Variants in CDYL2 observed in about 807,000 individuals in gnomAD.
CDYL2 encodes chromodomain Y like 2, also known as chromodomain Y-like protein 2.
Under a neutral mutation model 49.4 loss-of-function variants are expected in CDYL2, and 23 were observed. The observed-to-expected ratio is 0.47, with a 90% CI of 0.34 to 0.66. The LOEUF is 0.66. Ranked by LOEUF, CDYL2 falls within the 30% of genes least tolerant of loss-of-function variation. CDYL2 has a pLI of 0.01. For missense variants in CDYL2, 678 were observed against 656.4 expected (o/e 1.03, Z -0.36); for synonymous variants, 360 against 268.8 (o/e 1.34, Z -3.32).
intron 1 of CDYL2, among the ~76,000 whole-genome samples, chr16:80,755,848 G>A (rs1031429590): frequency 2.0e-5 from 3 of 152,142 alleles, no homozygotes; most frequent in Admixed American, 6.5e-5. Context: ...GGAGACTATG[G>A]GAGCAGGGGG....
intron 5 of CDYL2, among the ~76,000 whole-genome samples, chr16:80,609,620 T>C (rs11866077): frequency 0.16 from 23,630 of 152,206 alleles, 2,130 homozygotes; most frequent in Non-Finnish European, 0.19. Context: ...CAAATGGCCA[T>C]ATCTGCTCCA....
At chr16:80,639,762 C>G in intron 2 of CDYL2, 1 of 455,836 alleles carries the variant, frequency 2.2e-6, no homozygotes, top group African/African-American at 2.0e-5. Flanking sequence ...CTCCCCTCCC[C>G]CTGAAGCAGT....
chr16:80,722,286 G>T (rs1047209084), intron 1 of CDYL2, among the ~76,000 whole-genome samples: 6 of 152,316 alleles, frequency 3.9e-5, no homozygotes, highest in Middle Eastern at 6.8e-3. Context: ...TTGATCTGGA[G>T]CAGGGCTGGG....
At chr16:80,627,266 T>C (rs1025384006) in intron 3 of CDYL2, among the ~76,000 whole-genome samples, 31 of 152,030 alleles carry the variant, frequency 2.0e-4, no homozygotes, top group African/African-American at 7.5e-4. Context: ...CACCTATACA[T>C]GAACTCTATT....
chr16:80,760,658 C>T (rs1906496362), intron 1 of CDYL2, among the ~76,000 whole-genome samples: 1 of 151,946 alleles, frequency 6.6e-6, no homozygotes, highest in Non-Finnish European at 1.5e-5. Context: ...AAAACAGTGT[C>T]AAAATCATTG....
At chr16:80,751,763 A>G (rs1473164791) in intron 1 of CDYL2, among the ~76,000 whole-genome samples, 4 of 152,256 alleles carry the variant, frequency 2.6e-5, no homozygotes, top group Non-Finnish European at 1.5e-5. Context: ...AGGCAAAAGT[A>G]AATACTCAAG....
chr16:80,623,243 T>A (rs1907161342), intron 3 of CDYL2, among the ~76,000 whole-genome samples: 1 of 152,132 alleles, frequency 6.6e-6, no homozygotes, highest in Non-Finnish European at 1.5e-5. Flanking sequence ...CCTCTGGGGC[T>A]ACGGTTGGGC....
intron 1 of CDYL2, among the ~76,000 whole-genome samples, chr16:80,781,080 G>T (rs1394476923): frequency 6.6e-6 from 1 of 152,126 alleles, no homozygotes; most frequent in Non-Finnish European, 1.5e-5. Context: ...AAGGAAAGAG[G>T]ATCCAAACAG....
At chr16:80,618,375 G>A (rs908443147) in intron 4 of CDYL2, among the ~76,000 whole-genome samples, 3 of 152,214 alleles carry the variant, frequency 2.0e-5, no homozygotes, top group Non-Finnish European at 4.4e-5. Flanking sequence ...GAGACGCACA[G>A]ATACCACGCA....
intron 1 of CDYL2, among the ~76,000 whole-genome samples, chr16:80,794,505 C>A (rs1024566594): frequency 2.6e-5 from 4 of 151,276 alleles, no homozygotes; most frequent in African/African-American, 4.9e-5. Flanking sequence ...CATGGCTGCA[C>A]CTTTTAACAT....
Position 80,633,235 on chromosome 16 carries a change from G to C in CDYL2, c.618C>G (p.Gly206=). Residue 206 remains glycine, a splice_region_variant and synonymous_variant, in exon 3 of 7, where the codon GGC becomes GGG. Transcript: ENST00000570137. ...TCAATCCCCCGTTGGTCAGAGCAGA[G>C]CCTTCCAAAACCAGATAAACAATGT... ...NHATLAENGL[G]SALTNGGLNL... is the part of the protein sequence containing the mutation. The C allele has an allele frequency of 1.2e-6, 2 of 1,611,846 alleles. No homozygotes were observed. Among genetic ancestry groups the C allele is most frequent in the Non-Finnish European group, 1.7e-6 (2 of 1,178,124 alleles).
chr16:80,689,740 C>T (rs973249272), intron 1 of CDYL2, among the ~76,000 whole-genome samples: 2 of 152,198 alleles, frequency 1.3e-5, no homozygotes, highest in Non-Finnish European at 2.9e-5. Context: ...CAACAAGAAA[C>T]CTCGCAGACC....
At chr16:80,758,748 T>C (rs1906407462) in intron 1 of CDYL2, among the ~76,000 whole-genome samples, 1 of 151,864 alleles carries the variant, frequency 6.6e-6, no homozygotes, top group Non-Finnish European at 1.5e-5. Flanking sequence ...TTCACCGTGT[T>C]AGCCAGGATG....
chr16:80,620,872 G>A lies in CDYL2; in HGVS notation c.898C>T (p.Leu300Phe). 1.2e-6 allele frequency: 2 copies of A among 1,612,286 alleles called. No individual in the cohort carries two copies. The highest frequency in any genetic ancestry group is 1.7e-6 in the Non-Finnish European group (2 of 1,178,608). Residue 300 changes from leucine to phenylalanine, a missense_variant, in exon 4 of 7, where the codon CTC becomes TTC. Physicochemically the swap from Leu to Phe is conservative, Grantham distance 22. Coordinates refer to ENST00000570137, the MANE Select transcript of CDYL2 (RefSeq NM_152342.4). Reference sequence around the variant, plus strand: ...CAGAACACGCTCCCCACTGCGCTGAGGAGCAGCAGTTTGCTGTCGTCTGTG... The same window carrying A: ...CAGAACACGCTCCCCACTGCGCTGAAGAGCAGCAGTTTGCTGTCGTCTGTG... ...AATDDSKLLL[L>F]SAVGSVFCSG...
intron 1 of CDYL2, among the ~76,000 whole-genome samples, chr16:80,786,398 TC>T (rs975666171): frequency 2.4e-4 from 37 of 152,142 alleles, no homozygotes; most frequent in African/African-American, 8.7e-4. Flanking sequence ...GAAATGCAAA[TC>T]AAAACCACAA....
At chr16:80,749,717 T>A (rs1208283557) in intron 1 of CDYL2, among the ~76,000 whole-genome samples, 1 of 152,016 alleles carries the variant, frequency 6.6e-6, no homozygotes, top group East Asian at 1.9e-4. Flanking sequence ...AATAGCCTTA[T>A]ATGAAAATTT....
intron 4 of CDYL2, among the ~76,000 whole-genome samples, chr16:80,619,713 C>T (rs988522699): frequency 1.3e-5 from 2 of 152,220 alleles, no homozygotes; most frequent in African/African-American, 4.8e-5. Flanking sequence ...AGTGCCCAGG[C>T]TCGTCATGTC....
chr16:80,757,135 G>C (rs1906338680), intron 1 of CDYL2, among the ~76,000 whole-genome samples: 1 of 152,080 alleles, frequency 6.6e-6, no homozygotes, highest in Admixed American at 6.6e-5. Context: ...GACAGACAGA[G>C]AAAATGACCA....
intron 3 of CDYL2, among the ~76,000 whole-genome samples, chr16:80,628,595 A>G (rs1907408569): frequency 6.6e-6 from 1 of 152,216 alleles, no homozygotes; most frequent in African/African-American, 2.4e-5. Context: ...AGCCATGCCC[A>G]GATTCCTGAC....
Sources: gnomAD v4.1 joint callset for allele counts (sites outside exome capture counted in the v4.1 genomes callset) on GRCh38, gnomAD v4.1.1 for gene constraint, MANE v1.5 for transcripts, NCBI Gene and HGNC (gene_info 2026-07-23, HGNC 2026-07-21) for gene names.